Variants in ATP2A2 observed in about 807,000 individuals in gnomAD.
ATP2A2 encodes the protein sarcoplasmic/endoplasmic reticulum calcium ATPase 2.
A neutral mutation model predicts 109.3 loss-of-function variants in ATP2A2; 14 were observed. The observed-to-expected ratio is 0.13, with a 90% confidence interval of 0.08 to 0.20. The LOEUF is 0.20. Among genes scored for constraint, ATP2A2 ranks in the 10% least tolerant of loss-of-function variants. The probability of loss-of-function intolerance (pLI) is 1.00; values close to 1 mark genes in which losing one functional copy is unlikely to be tolerated. For synonymous variants in ATP2A2, 506 were observed against 490.9 expected (o/e 1.03, Z -0.41); for missense variants, 657 against 1,321.6 (o/e 0.50, Z 7.80).
intron 5 of ATP2A2, among the ~76,000 whole-genome samples, chr12:110,318,030 G>T (rs1033965623): frequency 6.6e-6 from 1 of 152,166 alleles, no homozygotes; most frequent in Non-Finnish European, 1.5e-5. Context: ...CATCCCTTTG[G>T]CAAGAGTAAG....
In ATP2A2 at chr12:110,348,982, A is replaced by G; in HGVS notation, c.*2512A>G. ...GTTCCTTGACTTAGTGGCCTTTACA[A>G]AAAAAGTTGAGTAGTGTGTGGCCTG... On this transcript the variant is annotated 3_prime_UTR_variant, in exon 20 of 20. Transcript: ENST00000539276. 9.1e-6 allele frequency: 9 copies of G among 985,438 alleles called. No individual in the cohort carries two copies. Among genetic ancestry groups the G allele is most frequent in the Non-Finnish European group, 1.1e-5 (9 of 829,962 alleles). The allele number at this position is 985,438 out of a possible 1,614,324, so 61.0% of individuals were successfully genotyped here.
Position 110,347,356 on chromosome 12 carries a change from A to G in ATP2A2, c.*886A>G. 1 of 1,289,192 alleles carries G rather than the reference A, an allele frequency of 7.8e-7. No homozygotes were observed. Among genetic ancestry groups the G allele is most frequent in the South Asian group, 1.2e-5 (1 of 81,016 alleles). 79.9% of individuals were successfully genotyped at this position (1,289,192 alleles called of 1,614,324 possible). ...CTTGTCTTTAACTCGTAAGTGGCTT[A>G]CCTGGGACTAACAGACATGTCCAAC... On this transcript the variant is annotated 3_prime_UTR_variant, in exon 20 of 20. Transcript: ENST00000539276.
At chr12:110,286,519 C>G (rs1339608468) in intron 3 of ATP2A2, among the ~76,000 whole-genome samples, 1 of 151,996 alleles carries the variant, frequency 6.6e-6, no homozygotes, top group Non-Finnish European at 1.5e-5. Context: ...TTTCTCATGC[C>G]TGAAAGCATT....
rs537992858 is a variant in ATP2A2, at chr12:110,343,173, T to C, written c.2319-59T>C. On this transcript the variant is annotated intron_variant, in intron 15 of 19. Transcript: ENST00000539276. The stretch of plus-strand genomic sequence containing the variant: ...AGGAGGGCGGGTTGATGATGCTCTT[T>C]AAATAGTGGCCAGAAGTCATTTGGG... The C allele has an allele frequency of 1.9e-6, 3 of 1,565,542 alleles. No individual in the cohort carries two copies. The East Asian group carries it at 6.7e-5, about 35-fold the overall frequency.
At chr12:110,322,210 C>T (rs1484107313) in intron 5 of ATP2A2, among the ~76,000 whole-genome samples, 2 of 152,118 alleles carry the variant, frequency 1.3e-5, no homozygotes, top group African/African-American at 4.8e-5. Flanking sequence ...TTCTTTATAC[C>T]ATTGGAAGTT....
chr12:110,312,866 G>GAAAAC (rs1480677394), intron 5 of ATP2A2, among the ~76,000 whole-genome samples: 3 of 142,652 alleles, frequency 2.1e-5, no homozygotes, highest in Non-Finnish European at 1.5e-5. Flanking sequence ...AAAAAAAAAA[G>GAAAAC]AAAACAAAAC....
rs149534855 is a variant in ATP2A2, at chr12:110,350,344, C to A, written c.*3874C>A. On this transcript the variant is annotated 3_prime_UTR_variant, in exon 20 of 20. Coordinates refer to ENST00000539276, the MANE Select transcript of ATP2A2 (RefSeq NM_170665.4). ...CATTTTGCAGAAATGTAAGGGTGTT[C>A]GGTTGCGTGCATGTGCGTTTTTAGC... 2 of 1,614,114 alleles carry A rather than the reference C, an allele frequency of 1.2e-6. No homozygotes were observed. Among genetic ancestry groups the A allele is most frequent in the Admixed American group, 3.3e-5 (2 of 60,022 alleles).
chr12:110,317,938 G>T lies in ATP2A2; in HGVS notation c.464-5054G>T, dbSNP rs1292951243. 2.0e-5 allele frequency among the ~76,000 whole-genome samples: 3 copies of T among 152,174 alleles called. 1 individual carries two copies. The East Asian group carries it at 5.8e-4, about 29-fold the overall frequency. On this transcript the variant is annotated intron_variant, in intron 5 of 19. Coordinates refer to ENST00000539276, the MANE Select transcript of ATP2A2 (RefSeq NM_170665.4). ...AAAGGTGTCAGATGTTAAATGGAAGGTAATTCAGAGTTTATTCTTTTATTG... is the reference window on the plus strand; with the variant it reads ...AAAGGTGTCAGATGTTAAATGGAAGTTAATTCAGAGTTTATTCTTTTATTG...
At chr12:110,289,545 C>G (rs2137694705) in intron 3 of ATP2A2, among the ~76,000 whole-genome samples, 1 of 152,214 alleles carries the variant, frequency 6.6e-6, no homozygotes, top group Admixed American at 6.5e-5. Context: ...CTTGGTGGTC[C>G]TGGTGCCTCC....
intron 3 of ATP2A2, among the ~76,000 whole-genome samples, chr12:110,290,187 G>C (rs1355850277): frequency 6.6e-6 from 1 of 152,160 alleles, no homozygotes; most frequent in Non-Finnish European, 1.5e-5. Flanking sequence ...AAAAGAAACG[G>C]GGAATTAACT....
intron 6 of ATP2A2, among the ~76,000 whole-genome samples, chr12:110,324,017 G>C (rs1361869612): frequency 2.6e-5 from 4 of 152,160 alleles, no homozygotes; most frequent in African/African-American, 9.7e-5. Flanking sequence ...GATGAAAATT[G>C]TACTACCTGG....
At chr12:110,316,273 T>G (rs1876658869) in intron 5 of ATP2A2, among the ~76,000 whole-genome samples, 4 of 152,182 alleles carry the variant, frequency 2.6e-5, no homozygotes, top group Admixed American at 6.5e-5. Flanking sequence ...CAGTCTTAAT[T>G]ACTCTACCAG....
intron 7 of ATP2A2, 134 bp downstream of exon 7, chr12:110,326,609 G>A: frequency 1.1e-6 from 1 of 935,254 alleles, no homozygotes; most frequent in Non-Finnish European, 1.7e-6. Flanking sequence ...AGTCTTAGGT[G>A]TCAGAATATG....
chr12:110,297,828 G>A (rs950218895), intron 5 of ATP2A2, among the ~76,000 whole-genome samples: 2 of 152,006 alleles, frequency 1.3e-5, no homozygotes, highest in South Asian at 4.2e-4. Flanking sequence ...ATGTTGCTCA[G>A]GCTAGTCTCA....
intron 4 of ATP2A2, among the ~76,000 whole-genome samples, chr12:110,293,373 TTTTTTTTTTTTTTTTG>T (rs1384685409): frequency 2.5e-5 from 3 of 118,310 alleles, no homozygotes; most frequent in South Asian, 3.1e-4. Flanking sequence ...CGGCCTTTTT[TTTTTTTTTTTTTTTTG>T]TTTGTTTGTT....
intron 5 of ATP2A2, among the ~76,000 whole-genome samples, chr12:110,314,141 C>T (rs1876403549): frequency 6.6e-6 from 1 of 151,774 alleles, no homozygotes; most frequent in Non-Finnish European, 1.5e-5. Context: ...CTAGCCTGAC[C>T]AACATGGAGA....
chr12:110,303,114 A>G (rs945863246), intron 5 of ATP2A2, among the ~76,000 whole-genome samples: 2 of 152,228 alleles, frequency 1.3e-5, no homozygotes, highest in African/African-American at 4.8e-5. Context: ...CGTTATCGTA[A>G]GTTCTCTATG....
At chr12:110,345,953 C>T (rs758053154) in intron 18 of ATP2A2, 48 bp from the exon 19 acceptor site, 25 of 1,575,404 alleles carry the variant, frequency 1.6e-5, no homozygotes, top group Non-Finnish European at 2.0e-5. Context: ...CACTGTGACA[C>T]GTGCCTTGCC....
intron 5 of ATP2A2, among the ~76,000 whole-genome samples, chr12:110,309,709 C>T (rs1263750033): frequency 6.6e-6 from 1 of 151,930 alleles, no homozygotes; most frequent in African/African-American, 2.4e-5. Flanking sequence ...AGTTTGAGAC[C>T]AGCCTGGGCA....
Sources: gnomAD v4.1 joint callset for allele counts (sites outside exome capture counted in the v4.1 genomes callset) on GRCh38, gnomAD v4.1.1 for gene constraint, MANE v1.5 for transcripts, NCBI Gene and HGNC (gene_info 2026-07-23, HGNC 2026-07-21) for gene names.